The following RNF111 variants were observed in gnomAD, a reference collection of about 807,000 sequenced individuals.
RNF111 encodes E3 ubiquitin-protein ligase Arkadia.
Under a neutral mutation model 95.1 loss-of-function variants are expected in RNF111, and 17 were observed. The ratio of observed to expected loss-of-function variants is 0.18; its 90% confidence interval spans 0.12 to 0.27. The LOEUF (loss-of-function observed/expected upper bound fraction) is 0.27. RNF111 is among the 10% of genes least tolerant of loss of function. The probability of loss-of-function intolerance (pLI) is 1.00; values close to 1 mark genes in which losing one functional copy is unlikely to be tolerated. For missense variants in RNF111, 1,189 were observed against 1,210.4 expected, an observed-to-expected ratio of 0.98 and a Z score of 0.26; for synonymous variants, 440 against 414.8, an observed-to-expected ratio of 1.06 and a Z score of -0.74.
Position 59,093,427 on chromosome 15 carries a change from C to T in RNF111, c.2843+787C>T, listed in dbSNP as rs140157028. 1.6e-5 allele frequency: 7 copies of T among 442,702 alleles called. No homozygotes were observed. The East Asian group carries it at 5.0e-4, about 32-fold the overall frequency. 27.4% of individuals were successfully genotyped at this position (442,702 alleles called of 1,614,324 possible). A position where few individuals can be genotyped will look rare whatever the true frequency, so the allele number is the denominator to read the frequency against. On this transcript the variant is annotated intron_variant, in intron 13 of 13. Transcript: ENST00000348370. ...GGGCAGCAGTCTCAGCTCACTGCAA[C>T]CTCCACCTCCTGGGCTGAAGCGATC...
intron 6 of RNF111, among the ~76,000 whole-genome samples, chr15:59,074,749 T>C (rs1374695431): frequency 6.6e-6 from 1 of 152,046 alleles, no homozygotes; most frequent in Non-Finnish European, 1.5e-5. Context: ...TCAAGGATTT[T>C]TCCTTTGCAT....
chr15:59,007,553 T>C (rs1419338593), intron 1 of RNF111, among the ~76,000 whole-genome samples: 1 of 152,212 alleles, frequency 6.6e-6, no homozygotes, highest in East Asian at 1.9e-4. Context: ...TATTCACGTT[T>C]TCCAACTTAG....
intron 6 of RNF111, among the ~76,000 whole-genome samples, chr15:59,070,655 A>G (rs1454686850): frequency 1.3e-5 from 2 of 152,230 alleles, no homozygotes; most frequent in Admixed American, 1.3e-4. Context: ...ACTTGATTGT[A>G]GATAAATAAT....
chr15:59,094,842 A>T lies in RNF111; in HGVS notation c.2903A>T (p.Asn968Ile). ...TGTGTTGACCAATGGTTGATTACCA[A>T]TAAGAAGTGCCCCATATGCAGAGTG... ...QVCVDQWLIT[N>I]KKCPICRVDI... The change falls in exon 14 of 14, where the codon AAT becomes ATT. Residue 968 changes from asparagine (N) to isoleucine (I), a missense_variant. By Grantham distance (149) the Asn-to-Ile change is moderately radical (BLOSUM62 -3). This residue lies in a region of RNF111 where 165 missense variants were observed against 284.6 expected (regional missense o/e 0.58). Coordinates refer to ENST00000348370, the MANE Select transcript of RNF111 (RefSeq NM_017610.8). 6.2e-7 allele frequency: 1 copy of T among 1,613,646 alleles called. No individual in the cohort carries two copies. The highest frequency in any genetic ancestry group is 8.5e-7 in the Non-Finnish European group (1 of 1,179,670).
intron 1 of RNF111, among the ~76,000 whole-genome samples, chr15:59,006,952 A>AT (rs1256875686): frequency 1.3e-5 from 2 of 151,956 alleles, no homozygotes; most frequent in African/African-American, 4.8e-5. Flanking sequence ...CGCCCAGCTA[A>AT]TTTTTTTGTA....
chr15:59,081,895 T>C (rs2078755710), intron 8 of RNF111, among the ~76,000 whole-genome samples: 2 of 152,126 alleles, frequency 1.3e-5, no homozygotes, highest in Non-Finnish European at 1.5e-5. Flanking sequence ...TGTAGTGGCA[T>C]ACTCCTGTGG....
chr15:59,041,872 AT>A (rs1220502634), intron 2 of RNF111, among the ~76,000 whole-genome samples: 7 of 141,154 alleles, frequency 5.0e-5, no homozygotes, highest in Admixed American at 3.5e-4. Flanking sequence ...TATTTCTTTT[AT>A]TTTTTTTAAT....
chr15:58,998,457 G>C (rs1190953935), intron 1 of RNF111, among the ~76,000 whole-genome samples: 6 of 152,120 alleles, frequency 3.9e-5, no homozygotes, highest in Admixed American at 3.9e-4. Context: ...GTGTCCGTAT[G>C]TTCTTGGGAA....
intron 1 of RNF111, among the ~76,000 whole-genome samples, chr15:59,023,914 A>G (rs1195740443): frequency 4.6e-5 from 7 of 152,196 alleles, no homozygotes; most frequent in African/African-American, 1.7e-4. Flanking sequence ...AGTGATCTTA[A>G]TAGACTTTCT....
intron 1 of RNF111, among the ~76,000 whole-genome samples, chr15:59,019,374 A>G (rs1255686023): frequency 6.6e-6 from 1 of 152,158 alleles, no homozygotes; most frequent in East Asian, 1.9e-4. Flanking sequence ...TAAAGGCCTG[A>G]TATGTCTGAT....
intron 1 of RNF111, among the ~76,000 whole-genome samples, chr15:59,018,481 AT>A (rs1275839852): frequency 6.6e-6 from 1 of 152,158 alleles, no homozygotes; most frequent in Admixed American, 6.5e-5. Flanking sequence ...AAATTTAAAT[AT>A]ATTATGTTCT....
chr15:59,042,200 C>T (rs1435453233), intron 2 of RNF111, among the ~76,000 whole-genome samples: 1 of 152,042 alleles, frequency 6.6e-6, no homozygotes. Flanking sequence ...TGCCTCGGCT[C>T]ATTGCAACCT....
intron 5 of RNF111, among the ~76,000 whole-genome samples, chr15:59,064,521 G>A (rs2042572906): frequency 8.4e-6 from 1 of 119,648 alleles, no homozygotes; most frequent in South Asian, 2.5e-4. Flanking sequence ...GGGCGACAGA[G>A]CAAGACTTTG....
chr15:59,019,095 G>A (rs1303004694), intron 1 of RNF111, among the ~76,000 whole-genome samples: 1 of 135,252 alleles, frequency 7.4e-6, no homozygotes, highest in Non-Finnish European at 1.6e-5. Context: ...GCTAATTTTT[G>A]TATTTTTGTA....
chr15:59,058,759 GCTCA>G (rs1431063411), intron 5 of RNF111: 42 of 501,168 alleles, frequency 8.4e-5, no homozygotes, highest in Admixed American at 3.3e-5. Context: ...GAGTATTATA[GCTCA>G]AATAAGAGAG....
chr15:59,057,897 A>G (rs1323098736), intron 4 of RNF111, among the ~76,000 whole-genome samples: 4 of 152,222 alleles, frequency 2.6e-5, no homozygotes, highest in African/African-American at 9.7e-5. Context: ...TAACTTATTT[A>G]TATTCATACT....
chr15:59,051,415 G>A (rs1442227259), intron 2 of RNF111, among the ~76,000 whole-genome samples: 1 of 143,520 alleles, frequency 7.0e-6, no homozygotes, highest in Admixed American at 7.3e-5. Flanking sequence ...CAGAGATGGC[G>A]CCACTGCACT....
At chr15:58,991,919 C>T (rs1374948195) in intron 1 of RNF111, among the ~76,000 whole-genome samples, 1 of 152,032 alleles carries the variant, frequency 6.6e-6, no homozygotes, top group African/African-American at 2.4e-5. Flanking sequence ...TAGATGATAT[C>T]AAGGAGTTAT....
At chr15:59,084,284 G>A in intron 9 of RNF111, 30 bp downstream of exon 9, 2 of 1,524,436 alleles carry the variant, frequency 1.3e-6, no homozygotes, top group Non-Finnish European at 1.8e-6. Context: ...TCAAAACAGT[G>A]CTTCACAGCT....
Sources: gnomAD v4.1 joint callset for allele counts (sites outside exome capture counted in the v4.1 genomes callset) on GRCh38, gnomAD v4.1.1 for gene constraint, gnomAD v4.1.1 regional missense constraint, MANE v1.5 for transcripts, NCBI Gene and HGNC (gene_info 2026-07-23, HGNC 2026-07-21) for gene names.